The following RSPH14 variants were observed in gnomAD, a reference collection of about 807,000 sequenced individuals.
RSPH14 encodes the protein radial spoke head 14 homolog.
Under a neutral mutation model 26.7 loss-of-function variants are expected in RSPH14, and 20 were observed. The observed-to-expected ratio is 0.75, with a 90% CI of 0.53 to 1.09. The LOEUF is 1.09. Ranked by LOEUF, RSPH14 falls within the 50% of genes least tolerant of loss-of-function variation. RSPH14 has a pLI of 0.00. For synonymous variants in RSPH14, 177 were observed against 189.3 expected (o/e 0.93, Z 0.53); for missense variants, 449 against 457.2 (o/e 0.98, Z 0.16).
At chr22:23,062,121 G>C (rs2146207918) in intron 5 of RSPH14, among the ~76,000 whole-genome samples, 176 bp from the exon 6 acceptor site, 1 of 152,348 alleles carries the variant, frequency 6.6e-6, no homozygotes, top group Non-Finnish European at 1.5e-5. Context: ...GGCTGCAGAG[G>C]AGCATTGGTG....
intron 4 of RSPH14, among the ~76,000 whole-genome samples, chr22:23,120,845 G>A (rs567039906): frequency 2.6e-5 from 4 of 152,266 alleles, no homozygotes; most frequent in South Asian, 4.1e-4. Flanking sequence ...GACTCAGGGC[G>A]CGCTCAGCAA....
intron 4 of RSPH14, among the ~76,000 whole-genome samples, chr22:23,127,927 T>C (rs1022533498): frequency 6.6e-6 from 1 of 152,066 alleles, no homozygotes; most frequent in East Asian, 1.9e-4. Flanking sequence ...TCCCTCCTCC[T>C]CTCGGGCTGG....
upstream of RSPH14, chr22:23,145,626 C>T: frequency 6.8e-7 from 1 of 1,462,896 alleles, no homozygotes. Context: ...AGGCCAGGGC[C>T]GCGAGGGCAC....
chr22:23,161,469 T>G, the RSPH14 span: 1 of 1,569,526 alleles, frequency 6.4e-7, no homozygotes, highest in South Asian at 1.1e-5. Flanking sequence ...GATTCCTGGT[T>G]GATGCTAAAT....
intron 3 of RSPH14, among the ~76,000 whole-genome samples, chr22:23,134,663 G>C (rs766782232): frequency 3.3e-5 from 5 of 150,924 alleles, no homozygotes; most frequent in African/African-American, 1.2e-4. Flanking sequence ...TCAGGAGTTC[G>C]AGACCAGCCT....
chr22:23,176,577 C>T, the RSPH14 span, among the ~76,000 whole-genome samples: 2 of 152,162 alleles, frequency 1.3e-5, no homozygotes, highest in Non-Finnish European at 2.9e-5. Context: ...CTTTGTCGCC[C>T]CCACGGCCTG....
chr22:23,146,758 G>A (rs2146481313), upstream of RSPH14: 1 of 1,564,028 alleles, frequency 6.4e-7, no homozygotes, highest in East Asian at 2.3e-5. Flanking sequence ...CTACACTCAT[G>A]CCTAGAAGTA....
intron 4 of RSPH14, among the ~76,000 whole-genome samples, chr22:23,079,961 A>G (rs1412068495): frequency 6.6e-6 from 1 of 152,186 alleles, no homozygotes; most frequent in African/African-American, 2.4e-5. Flanking sequence ...CAGGGCCTCA[A>G]AGACCCAGAA....
chr22:23,091,311 C>T (rs1190141937), intron 4 of RSPH14, among the ~76,000 whole-genome samples: 2 of 152,240 alleles, frequency 1.3e-5, no homozygotes, highest in Non-Finnish European at 2.9e-5. Flanking sequence ...CCTATGCATA[C>T]ACGCACACAT....
chr22:23,063,848 G>A, intron 5 of RSPH14, 54 bp downstream of exon 5: 2 of 1,565,516 alleles, frequency 1.3e-6, no homozygotes, highest in South Asian at 1.1e-5. Flanking sequence ...GACCAGTCCA[G>A]CTCAGGTGCC....
At chr22:23,119,068 T>C (rs2069933973) in intron 4 of RSPH14, among the ~76,000 whole-genome samples, 2 of 152,238 alleles carry the variant, frequency 1.3e-5, no homozygotes, top group South Asian at 4.1e-4. Context: ...GCTTCCCATA[T>C]GCATGCTTGA....
intron 6 of RSPH14, among the ~76,000 whole-genome samples, chr22:23,060,106 G>A (rs2068061409): frequency 6.6e-6 from 1 of 152,068 alleles, no homozygotes; most frequent in Admixed American, 6.5e-5. Flanking sequence ...TAGAGCCTGG[G>A]AGTTTGAGGC....
chr22:23,123,175 A>AGAAG, intron 4 of RSPH14: 1 of 1,614,030 alleles, frequency 6.2e-7, no homozygotes, highest in Non-Finnish European at 8.5e-7. Context: ...TTCCTGAACA[A>AGAAG]GAAGGACCTG....
chr22:23,153,651 T>TTCA, the RSPH14 span: 7 of 976,542 alleles, frequency 7.2e-6, no homozygotes, highest in South Asian at 2.9e-4. Context: ...CACTGCAGCC[T>TTCA]TCACTCCCTC....
intron 4 of RSPH14, among the ~76,000 whole-genome samples, chr22:23,112,106 G>A (rs191383559): frequency 6.6e-6 from 1 of 152,158 alleles, no homozygotes; most frequent in Non-Finnish European, 1.5e-5. Context: ...CCAGAACACA[G>A]GCACCCTCAG....
chr22:23,170,580 C>G, the RSPH14 span, among the ~76,000 whole-genome samples: 1 of 151,016 alleles, frequency 6.6e-6, no homozygotes, highest in Admixed American at 6.6e-5. Flanking sequence ...GAAAAAAAAA[C>G]AAATTAGCCG....
At chr22:23,104,519 C>T (rs955650752) in intron 4 of RSPH14, among the ~76,000 whole-genome samples, 8 of 152,328 alleles carry the variant, frequency 5.3e-5, no homozygotes, top group African/African-American at 1.4e-4. Context: ...ATTTCCTGAG[C>T]GCATTAGCTC....
intron 4 of RSPH14, among the ~76,000 whole-genome samples, chr22:23,116,128 G>A (rs1349848887): frequency 6.6e-6 from 1 of 152,248 alleles, no homozygotes; most frequent in African/African-American, 2.4e-5. Flanking sequence ...CGTTTGCCTG[G>A]GTAAGCCTTG....
At position 23,130,131 on chromosome 22, in the gene RSPH14, GAAA is replaced by G. The variant is rs879689983; in HGVS notation, c.421+3892_421+3894del. ...AGAAAGAAAGAAAGAAAGAAAGAAA[GAAA>G]GAAAGAAAGAAAGAAAGAAAGAAAG... On this transcript the variant is annotated intron_variant, in intron 4 of 6. Coordinates refer to ENST00000216036, the MANE Select transcript of RSPH14 (RefSeq NM_014433.3). Among the ~76,000 whole-genome samples the G allele has an allele frequency of 5.9e-4, 61 of 103,682 alleles. 1 individual carries two copies. Among genetic ancestry groups the G allele is most frequent in the Non-Finnish European group, 1.1e-3 (54 of 47,072 alleles). 68.0% of individuals were successfully genotyped at this position (103,682 alleles called of 152,430 possible). A position where few individuals can be genotyped will look rare whatever the true frequency, so the allele number is the denominator to read the frequency against.
Sources: gnomAD v4.1 joint callset for allele counts (sites outside exome capture counted in the v4.1 genomes callset) on GRCh38, gnomAD v4.1.1 for gene constraint, MANE v1.5 for transcripts, NCBI Gene and HGNC (gene_info 2026-07-23, HGNC 2026-07-21) for gene names.